Variants in PPFIA2 observed in about 807,000 individuals in gnomAD.
PPFIA2 encodes liprin-alpha-2.
A neutral mutation model predicts 175.5 loss-of-function variants in PPFIA2; 46 were observed. The observed-to-expected ratio is 0.26, with a 90% confidence interval of 0.21 to 0.34. PPFIA2 has a LOEUF of 0.34. PPFIA2 is among the 10% of genes least tolerant of loss of function. The pLI is 1.00. For synonymous variants in PPFIA2, 568 were observed against 511.4 expected (o/e 1.11, Z -1.49); for missense variants, 1,179 against 1,506.1 (o/e 0.78, Z 3.60).
intron 15 of PPFIA2, among the ~76,000 whole-genome samples, chr12:81,361,891 G>A (rs551040438): frequency 6.6e-6 from 1 of 151,256 alleles, no homozygotes; most frequent in South Asian, 2.1e-4. Flanking sequence ...GACTAAATGA[G>A]TGTGTCCTTC....
Position 81,278,714 on chromosome 12 carries a change from G to A in PPFIA2, c.3213-1300C>T, listed in dbSNP as rs375013844. 2.0e-5 allele frequency among the ~76,000 whole-genome samples: 3 copies of A among 152,270 alleles called. No individual in the cohort carries two copies. In the East Asian group the frequency reaches 5.8e-4, roughly 29 times the overall value. ...AATCGATAAACCAGGCATGTTCTGA[G>A]AGAGAAAATGAGAAGGTTTAGTGAC... On this transcript the variant is annotated intron_variant, in intron 27 of 32. Transcript: ENST00000549396.
chr12:81,261,893 T>C (rs2035685267), intron 32 of PPFIA2, 56 bp downstream of exon 32: 1 of 1,206,458 alleles, frequency 8.3e-7, no homozygotes, highest in South Asian at 1.4e-5. Flanking sequence ...TATTAGTCTA[T>C]GTAGGTTCCA....
intron 14 of PPFIA2, among the ~76,000 whole-genome samples, chr12:81,364,145 T>C (rs1018834677): frequency 1.3e-5 from 2 of 151,772 alleles, no homozygotes; most frequent in African/African-American, 2.4e-5. Context: ...GGAAAAGGCA[T>C]GGCAGATAAA....
intron 8 of PPFIA2, among the ~76,000 whole-genome samples, chr12:81,394,458 A>G (rs2040722901): frequency 6.6e-6 from 1 of 152,000 alleles, no homozygotes; most frequent in African/African-American, 2.4e-5. Flanking sequence ...TCAGAGAATC[A>G]TGCATACAAA....
rs374107752 is a variant in PPFIA2 at position 81,497,510 on chromosome 12, C to G, written c.304-39644G>C. The stretch of plus-strand genomic sequence containing the variant: ...CTTCCCCATGTTAGTCTTTAAGTGA[C>G]ATCCCTATTTCATTGATGTCTTTTT... On this transcript the variant is annotated intron_variant, in intron 4 of 32. Coordinates refer to ENST00000549396, the MANE Select transcript of PPFIA2 (RefSeq NM_003625.5). 1.3e-4 allele frequency among the ~76,000 whole-genome samples: 19 copies of G among 143,146 alleles called. No homozygotes were observed. The South Asian group carries it at 1.9e-3, about 14-fold the overall frequency. The allele number at this position is 143,146 out of a possible 152,430, so 93.9% of individuals were successfully genotyped here.
intron 3 of PPFIA2, among the ~76,000 whole-genome samples, chr12:81,747,205 G>C (rs1245507765): frequency 7.0e-6 from 1 of 143,876 alleles, no homozygotes; most frequent in African/African-American, 2.4e-5. Flanking sequence ...GTAAAAGATG[G>C]AGCATGCTTC....
At chr12:81,587,674 T>C (rs1481012164) in intron 4 of PPFIA2, among the ~76,000 whole-genome samples, 1 of 152,066 alleles carries the variant, frequency 6.6e-6, no homozygotes, top group African/African-American at 2.4e-5. Context: ...GTAATTGAAA[T>C]TACCCAATTT....
At chr12:81,450,075 T>C (rs112717362) in intron 5 of PPFIA2, among the ~76,000 whole-genome samples, 1 of 152,014 alleles carries the variant, frequency 6.6e-6, no homozygotes, top group Non-Finnish European at 1.5e-5. Flanking sequence ...GTCTTTGGTA[T>C]TGTGAATAGT....
chr12:81,376,092 G>T, intron 9 of PPFIA2, 150 bp from the exon 10 acceptor site: 1 of 740,204 alleles, frequency 1.4e-6, no homozygotes, highest in Non-Finnish European at 2.1e-6. Context: ...ATGTGAGATT[G>T]CAGGTGCATG....
chr12:81,611,718 T>C (rs10862328), intron 4 of PPFIA2, among the ~76,000 whole-genome samples: 152,150 of 152,228 alleles, frequency 1, 76,036 homozygotes, highest in Middle Eastern at 1. Context: ...TCTGGGGGAG[T>C]GGGGAGGCGG....
chr12:81,666,233 C>G (rs1248382483), intron 4 of PPFIA2, among the ~76,000 whole-genome samples: 1 of 152,178 alleles, frequency 6.6e-6, no homozygotes, highest in Admixed American at 6.6e-5. Context: ...ACTAGAAATA[C>G]TGTTTGACCC....
intron 22 of PPFIA2, among the ~76,000 whole-genome samples, chr12:81,317,908 C>G (rs2052768272): frequency 6.6e-6 from 1 of 151,600 alleles, no homozygotes; most frequent in Non-Finnish European, 1.5e-5. Flanking sequence ...ATCCTCGATG[C>G]AATAATCCTA....
chr12:81,330,668 A>G (rs1272307062), intron 21 of PPFIA2, among the ~76,000 whole-genome samples: 1 of 152,152 alleles, frequency 6.6e-6, no homozygotes, highest in Non-Finnish European at 1.5e-5. Context: ...CTGTCCTTCC[A>G]TTTGTCCAGC....
intron 4 of PPFIA2, among the ~76,000 whole-genome samples, chr12:81,595,931 T>C (rs1400610750): frequency 6.6e-6 from 1 of 152,190 alleles, no homozygotes; most frequent in Non-Finnish European, 1.5e-5. Context: ...GAAGTAAGCA[T>C]TAAAATCCCA....
At chr12:81,738,756 AATT>A (rs2081961960) in intron 3 of PPFIA2, among the ~76,000 whole-genome samples, 1 of 151,964 alleles carries the variant, frequency 6.6e-6, no homozygotes, top group Non-Finnish European at 1.5e-5. Context: ...TATTTACAGT[AATT>A]ATAAAGATAC....
chr12:81,265,831 T>C (rs2136226841), intron 30 of PPFIA2, among the ~76,000 whole-genome samples: 1 of 152,286 alleles, frequency 6.6e-6, no homozygotes, highest in East Asian at 1.9e-4. Flanking sequence ...TTATTAGAAA[T>C]TTTTGCAACT....
intron 8 of PPFIA2, among the ~76,000 whole-genome samples, chr12:81,389,816 TA>T (rs1236250801): frequency 6.6e-6 from 1 of 152,074 alleles, no homozygotes; most frequent in Admixed American, 6.6e-5. Context: ...TTACACGCCA[TA>T]AAACGCACCC....
chr12:81,463,539 C>T (rs1004560852), intron 4 of PPFIA2, among the ~76,000 whole-genome samples: 1 of 152,090 alleles, frequency 6.6e-6, no homozygotes, highest in Non-Finnish European at 1.5e-5. Context: ...CAGTCAAGAT[C>T]TAGACCACAC....
intron 4 of PPFIA2, among the ~76,000 whole-genome samples, chr12:81,659,219 A>G (rs1020939628): frequency 6.6e-6 from 1 of 152,096 alleles, no homozygotes; most frequent in African/African-American, 2.4e-5. Context: ...CAGTGGGTGC[A>G]GGACAGTGGT....
Sources: gnomAD v4.1 joint callset for allele counts (sites outside exome capture counted in the v4.1 genomes callset) on GRCh38, gnomAD v4.1.1 for gene constraint, MANE v1.5 for transcripts, NCBI Gene and HGNC (gene_info 2026-07-23, HGNC 2026-07-21) for gene names.